The following BCAS1 variants were observed in gnomAD, a reference collection of about 807,000 sequenced individuals.
BCAS1 encodes breast carcinoma-amplified sequence 1.
Under a neutral mutation model 65.4 loss-of-function variants are expected in BCAS1, and 46 were observed. The observed-to-expected ratio is 0.70, with a 90% CI of 0.55 to 0.90. BCAS1 has a LOEUF of 0.90. Among genes scored for constraint, BCAS1 ranks in the 40% least tolerant of loss-of-function variants. BCAS1 has a pLI of 0.00. For synonymous variants in BCAS1, 298 were observed against 293.5 expected, an observed-to-expected ratio of 1.02 and a Z score of -0.16; for missense variants, 793 against 771.2, an observed-to-expected ratio of 1.03 and a Z score of -0.33.
intron 4 of BCAS1, among the ~76,000 whole-genome samples, chr20:54,007,376 G>A (rs1217832273): frequency 6.6e-6 from 1 of 152,220 alleles, no homozygotes; most frequent in Non-Finnish European, 1.5e-5. Context: ...TGGCCATCAG[G>A]ATCTGCCATG....
intron 12 of BCAS1, among the ~76,000 whole-genome samples, chr20:53,948,175 C>A (rs1031937450): frequency 1.3e-5 from 2 of 152,162 alleles, no homozygotes; most frequent in Non-Finnish European, 2.9e-5. Flanking sequence ...TTCACCCAGG[C>A]TCCACCCTGC....
intron 4 of BCAS1, among the ~76,000 whole-genome samples, chr20:54,017,389 T>C (rs2091460630): frequency 7.5e-6 from 1 of 133,188 alleles, no homozygotes; most frequent in Non-Finnish European, 1.6e-5. Flanking sequence ...TGTGTGATTT[T>C]TTTTCTTTTC....
rs1297721729 is a variant in BCAS1, at chr20:53,994,993, C to T, written c.927+19G>A. On this transcript the variant is annotated intron_variant, in intron 6 of 12. Transcript: ENST00000688948. Reference sequence around the variant, plus strand: ...ATGCGCAAACCCAAATATATACATACACACTTCCAACTACCTACCGTGTCT... The same window carrying T: ...ATGCGCAAACCCAAATATATACATATACACTTCCAACTACCTACCGTGTCT... 7 of 1,610,044 alleles carry T rather than the reference C, an allele frequency of 4.3e-6. No individual in the cohort carries two copies. Among genetic ancestry groups the T allele is most frequent in the Admixed American group, 1.7e-5 (1 of 59,908 alleles).
chr20:54,062,343 C>A (rs2092386159), intron 1 of BCAS1, among the ~76,000 whole-genome samples: 2 of 152,260 alleles, frequency 1.3e-5, no homozygotes, highest in Admixed American at 6.5e-5. Flanking sequence ...CTAATTTGCT[C>A]TTTGCAGCAA....
intron 4 of BCAS1, among the ~76,000 whole-genome samples, chr20:54,018,196 ACT>A (rs1402040991): frequency 6.6e-6 from 1 of 151,314 alleles, no homozygotes; most frequent in African/African-American, 2.4e-5. Context: ...CTATCTCAAA[ACT>A]CTGTTTATTT....
intron 10 of BCAS1, 83 bp from the exon 11 acceptor site, chr20:53,957,580 C>G: frequency 2.3e-6 from 3 of 1,300,636 alleles, no homozygotes; most frequent in Non-Finnish European, 3.3e-6. Context: ...TGGATGATCT[C>G]AGTCATTTAT....
chr20:53,984,964 C>A (rs2090574420), intron 8 of BCAS1, among the ~76,000 whole-genome samples: 1 of 152,158 alleles, frequency 6.6e-6, no homozygotes, highest in Non-Finnish European at 1.5e-5. Flanking sequence ...AGGAAGAAGT[C>A]AGGGTTTTAA....
At chr20:54,028,333 C>A (rs763221747) in intron 4 of BCAS1, 59 bp downstream of exon 4, 2 of 1,578,270 alleles carry the variant, frequency 1.3e-6, no homozygotes, top group Non-Finnish European at 1.7e-6. Flanking sequence ...GTGGTCTTAT[C>A]CCATTAGCGC....
At chr20:54,029,003 C>T (rs2091743757) in intron 3 of BCAS1, 31 bp from the exon 4 acceptor site, 1 of 1,565,434 alleles carries the variant, frequency 6.4e-7, no homozygotes, top group African/African-American at 1.4e-5. Context: ...AGTGGTTATT[C>T]AGCCAAGCCG....
At chr20:53,956,226 GCCCTGCCCCAATAGGAT>G (rs2089694549) in intron 11 of BCAS1, among the ~76,000 whole-genome samples, 1 of 152,200 alleles carries the variant, frequency 6.6e-6, no homozygotes, top group African/African-American at 2.4e-5. Flanking sequence ...ATAGGGTGGG[GCCCTGCCCCAATAGGAT>G]TAGTGTCCTT....
intron 4 of BCAS1, among the ~76,000 whole-genome samples, chr20:54,026,556 T>A (rs1386704719): frequency 1.3e-5 from 2 of 152,204 alleles, no homozygotes; most frequent in Admixed American, 6.5e-5. Context: ...TGTCTTCCCA[T>A]AAATAACTCA....
intron 4 of BCAS1, among the ~76,000 whole-genome samples, chr20:54,003,408 G>A (rs999961813): frequency 6.6e-6 from 1 of 152,024 alleles, no homozygotes; most frequent in East Asian, 1.9e-4. Context: ...TATTCTTCAC[G>A]ATTGGAATCA....
chr20:53,978,170 TA>T (rs2090384245), intron 8 of BCAS1, among the ~76,000 whole-genome samples: 1 of 151,422 alleles, frequency 6.6e-6, no homozygotes, highest in Admixed American at 6.6e-5. Flanking sequence ...TATGCAGCCA[TA>T]AAAAATGATG....
chr20:53,977,288 A>G (rs2090360086), intron 8 of BCAS1, among the ~76,000 whole-genome samples: 1 of 152,200 alleles, frequency 6.6e-6, no homozygotes, highest in South Asian at 2.1e-4. Context: ...GCCAAACCAT[A>G]TCAGATACTT....
At chr20:53,964,386 A>G (rs923383244) in intron 10 of BCAS1, among the ~76,000 whole-genome samples, 3 of 152,240 alleles carry the variant, frequency 2.0e-5, no homozygotes, top group Admixed American at 1.3e-4. Context: ...GTTGTAATGA[A>G]GGCAAAACAG....
rs376245277 is a variant in BCAS1 at position 54,068,337 on chromosome 20, G to A, written c.-6+2096C>T. 4.6e-4 allele frequency: 71 copies of A among 154,524 alleles called. 2 individuals are homozygous for A. The South Asian group carries it at 0.014, about 30-fold the overall frequency. The allele number at this position is 154,524 out of a possible 1,614,324, so 9.6% of individuals were successfully genotyped here. A position where few individuals can be genotyped will look rare whatever the true frequency, so the allele number is the denominator to read the frequency against. On this transcript the variant is annotated intron_variant, in intron 1 of 12. Transcript: ENST00000688948. ...ATTATTGCACCAAACATTGTTAAGT[G>A]CATGATAATCGCAGGTAATTTTAAT...
chr20:53,969,541 T>C (rs1281503499), intron 9 of BCAS1, among the ~76,000 whole-genome samples: 1 of 152,158 alleles, frequency 6.6e-6, no homozygotes, highest in African/African-American at 2.4e-5. Context: ...CACAGATAAA[T>C]AGGCATTACA....
chr20:53,975,500 AG>A lies in BCAS1; in HGVS notation c.1276-71del. Reference sequence around the variant, plus strand: ...AAACAAAATTGTTACATAAAAGCAAAGGGTTAGTTGGGCTCACAGTCTTGGG... The same window carrying A: ...AAACAAAATTGTTACATAAAAGCAAAGGTTAGTTGGGCTCACAGTCTTGGG... On this transcript the variant is annotated intron_variant, in intron 8 of 12. Transcript: ENST00000688948. 3.0e-6 allele frequency: 4 copies of A among 1,332,398 alleles called. No homozygotes were observed. The Admixed American group carries it at 7.0e-5, about 23-fold the overall frequency. 82.5% of individuals were successfully genotyped at this position (1,332,398 alleles called of 1,614,324 possible). A position where few individuals can be genotyped will look rare whatever the true frequency, so the allele number is the denominator to read the frequency against.
intron 1 of BCAS1, among the ~76,000 whole-genome samples, chr20:54,066,895 G>A (rs1390225871): frequency 6.6e-6 from 1 of 152,190 alleles, no homozygotes; most frequent in Non-Finnish European, 1.5e-5. Context: ...CAAGTCCAGA[G>A]TTTAGACTTT....
Sources: allele counts gnomAD v4.1 joint callset (sites outside exome capture counted in the v4.1 genomes callset), GRCh38; gene constraint gnomAD v4.1.1; transcripts MANE v1.5; gene names NCBI Gene and HGNC (gene_info 2026-07-23, HGNC 2026-07-21).